Variants in GPC5 observed in about 807,000 individuals in gnomAD.
GPC5 encodes glypican-5.
In GPC5, 47 loss-of-function variants were observed where a neutral mutation model predicts 53.9. That is an observed-to-expected ratio of 0.87 (90% CI 0.69 to 1.11). GPC5 has a LOEUF of 1.11. Among genes scored for constraint, GPC5 ranks in the 50% most tolerant of loss-of-function variants. The pLI is 0.00. For missense variants in GPC5, 748 were observed against 713.1 expected, an observed-to-expected ratio of 1.05 and a Z score of -0.56; for synonymous variants, 286 against 263.3, an observed-to-expected ratio of 1.09 and a Z score of -0.84.
At chr13:91,676,537 G>T (rs990496247) in intron 2 of GPC5, among the ~76,000 whole-genome samples, 2 of 152,142 alleles carry the variant, frequency 1.3e-5, no homozygotes, top group African/African-American at 4.8e-5. Context: ...GAGTAGTTTA[G>T]CTAGAGGAAA....
At chr13:91,717,847 G>C (rs1313344202) in intron 3 of GPC5, among the ~76,000 whole-genome samples, 1 of 151,910 alleles carries the variant, frequency 6.6e-6, no homozygotes, top group Non-Finnish European at 1.5e-5. Context: ...GAGCCACCGC[G>C]CCTGGCCTGC....
intron 7 of GPC5, among the ~76,000 whole-genome samples, chr13:92,246,847 T>G (rs1275643844): frequency 6.6e-6 from 1 of 152,192 alleles, no homozygotes; most frequent in Non-Finnish European, 1.5e-5. Context: ...AATTTTTAAA[T>G]TAGTTAATTA....
chr13:92,206,311 C>A (rs1161722391), intron 7 of GPC5, among the ~76,000 whole-genome samples: 2 of 150,864 alleles, frequency 1.3e-5, no homozygotes, highest in Non-Finnish European at 3.0e-5. Context: ...ACTACAGGCG[C>A]CTGCCACCAC....
chr13:92,229,667 C>T (rs2139098945), intron 7 of GPC5, among the ~76,000 whole-genome samples: 2 of 152,130 alleles, frequency 1.3e-5, no homozygotes, highest in East Asian at 3.9e-4. Context: ...TAATGTCAGC[C>T]TCTTGTGTAT....
intron 7 of GPC5, among the ~76,000 whole-genome samples, chr13:92,453,950 C>A (rs911591448): frequency 6.6e-6 from 1 of 152,146 alleles, no homozygotes; most frequent in Non-Finnish European, 1.5e-5. Flanking sequence ...AAATAGCACG[C>A]AAAATGTCTG....
intron 7 of GPC5, among the ~76,000 whole-genome samples, chr13:92,763,041 A>G (rs888234530): frequency 1.3e-5 from 2 of 151,806 alleles, no homozygotes; most frequent in Admixed American, 1.3e-4. Flanking sequence ...GTCTATCTGT[A>G]TTCTCTTGTA....
At chr13:92,678,134 A>G (rs1392571777) in intron 7 of GPC5, among the ~76,000 whole-genome samples, 1 of 152,214 alleles carries the variant, frequency 6.6e-6, no homozygotes, top group Non-Finnish European at 1.5e-5. Flanking sequence ...CAAATGTTCA[A>G]TGTATGTTTG....
intron 6 of GPC5, among the ~76,000 whole-genome samples, chr13:92,075,378 A>AT (rs2041244560): frequency 6.6e-6 from 1 of 152,220 alleles, no homozygotes; most frequent in African/African-American, 2.4e-5. Context: ...TTTGAAGTTC[A>AT]TGACACTTGA....
chr13:92,018,468 T>C (rs1055136483), intron 6 of GPC5, among the ~76,000 whole-genome samples: 2 of 152,140 alleles, frequency 1.3e-5, no homozygotes, highest in Non-Finnish European at 2.9e-5. Flanking sequence ...GTAACGTGCC[T>C]GTTTTTTATT....
chr13:92,167,512 G>A (rs965722327), intron 7 of GPC5, among the ~76,000 whole-genome samples: 8 of 152,282 alleles, frequency 5.3e-5, no homozygotes, highest in South Asian at 2.1e-4. Flanking sequence ...AAGTAACAAT[G>A]TATGAAGAGA....
intron 5 of GPC5, among the ~76,000 whole-genome samples, chr13:91,889,757 G>C (rs1290436108): frequency 6.6e-6 from 1 of 152,126 alleles, no homozygotes; most frequent in Non-Finnish European, 1.5e-5. Flanking sequence ...CCAAGCCCTG[G>C]AACTAGAGGA....
chr13:91,662,980 T>G (rs1001426097), intron 2 of GPC5, among the ~76,000 whole-genome samples: 3 of 152,288 alleles, frequency 2.0e-5, no homozygotes, highest in East Asian at 3.9e-4. Context: ...GAACTAGATT[T>G]TGTGTAAGGC....
intron 7 of GPC5, chr13:92,658,923 T>TG (rs1566347654): frequency 1.7e-5 from 2 of 120,836 alleles, no homozygotes; most frequent in Non-Finnish European, 3.5e-5. Flanking sequence ...GTATATGTTT[T>TG]GTTTTTTTTT....
intron 7 of GPC5, among the ~76,000 whole-genome samples, chr13:92,745,013 A>G (rs1889205805): frequency 6.6e-6 from 1 of 152,002 alleles, no homozygotes; most frequent in Non-Finnish European, 1.5e-5. Flanking sequence ...TGTAATAATA[A>G]TTCATATCAA....
intron 7 of GPC5, among the ~76,000 whole-genome samples, chr13:92,619,923 A>AC (rs1884817122): frequency 6.6e-6 from 1 of 152,086 alleles, no homozygotes; most frequent in African/African-American, 2.4e-5. Flanking sequence ...GTTTAACCAT[A>AC]TCACTAATCT....
At chr13:92,280,952 C>T (rs1288543368) in intron 7 of GPC5, among the ~76,000 whole-genome samples, 2 of 152,158 alleles carry the variant, frequency 1.3e-5, no homozygotes, top group Non-Finnish European at 2.9e-5. Flanking sequence ...GGCAAGGCAT[C>T]GCCTCACCCA....
rs541056014 is a variant in GPC5 at position 92,791,627 on chromosome 13, G to GA, written c.1562-74645dup. Among the ~76,000 whole-genome samples, 251 of 148,116 alleles carry GA rather than the reference G, an allele frequency of 1.7e-3. 1 individual carries two copies. The highest frequency in any genetic ancestry group is 0.01 in the Middle Eastern group (3 of 286). ...AAACAGTAATAACATACTCCTCCTA[G>GA]AAAAAAAAAATGTTAGTCTAATTTT... On this transcript the variant is annotated intron_variant, in intron 7 of 7. Transcript: ENST00000377067.
chr13:91,508,873 G>C (rs1188325236), intron 2 of GPC5, among the ~76,000 whole-genome samples: 2 of 152,078 alleles, frequency 1.3e-5, no homozygotes, highest in Non-Finnish European at 2.9e-5. Context: ...ATCTGGGCTG[G>C]GACATTAAGG....
chr13:92,252,184 T>A (rs1451379270), intron 7 of GPC5, among the ~76,000 whole-genome samples: 1 of 152,090 alleles, frequency 6.6e-6, no homozygotes, highest in Non-Finnish European at 1.5e-5. Flanking sequence ...TGGCATGTAC[T>A]TTTTTTAAAG....
Sources: gnomAD v4.1 joint callset for allele counts (sites outside exome capture counted in the v4.1 genomes callset) on GRCh38, gnomAD v4.1.1 for gene constraint, MANE v1.5 for transcripts, NCBI Gene and HGNC (gene_info 2026-07-23, HGNC 2026-07-21) for gene names.